The following TNIK variants were observed in gnomAD, a reference collection of about 807,000 sequenced individuals.
TNIK encodes the protein TRAF2 and NCK-interacting protein kinase.
In TNIK, 49 loss-of-function variants were observed where a neutral mutation model predicts 191.3. The observed-to-expected ratio is 0.26, with a 90% CI of 0.20 to 0.32. The LOEUF is 0.32. Ranked by LOEUF, TNIK falls within the 10% of genes least tolerant of loss-of-function variation. The pLI is 1.00. For synonymous variants in TNIK, 594 were observed against 600.9 expected, an observed-to-expected ratio of 0.99 and a Z score of 0.17; for missense variants, 1,155 against 1,702.3, an observed-to-expected ratio of 0.68 and a Z score of 5.66.
intron 7 of TNIK, among the ~76,000 whole-genome samples, chr3:171,183,202 C>G (rs750047370): frequency 4.4e-4 from 67 of 152,272 alleles, no homozygotes; most frequent in Non-Finnish European, 3.8e-4. Flanking sequence ...AACGTGTGTC[C>G]TCCTTCCTCC....
rs78768300 is a variant in TNIK, at chr3:171,359,347, T to C, written c.123+10273A>G. On this transcript the variant is annotated intron_variant, in intron 2 of 32. Transcript: ENST00000436636. ...TAAAGGAGACTGAGTTCTTCACATA[T>C]GGAGTTCCTAACTCTTCCCTGCTGT... is the stretch of plus-strand genomic sequence containing the variant. 3.4e-3 allele frequency among the ~76,000 whole-genome samples: 520 copies of C among 152,324 alleles called. 4 individuals are homozygous for C. Among genetic ancestry groups the C allele is most frequent in the African/African-American group, 0.012 (499 of 41,578 alleles).
At chr3:171,243,713 C>T (rs1440364297) in intron 2 of TNIK, among the ~76,000 whole-genome samples, 1 of 152,108 alleles carries the variant, frequency 6.6e-6, no homozygotes, top group Non-Finnish European at 1.5e-5. Context: ...GATTTTACTC[C>T]TAGAGGAAGG....
rs1386968384 is a variant in TNIK at position 171,215,854 on chromosome 3, A to C, written c.181-4613T>G. 2.0e-5 allele frequency among the ~76,000 whole-genome samples: 3 copies of C among 152,318 alleles called. No homozygotes were observed. The East Asian group carries it at 5.8e-4, about 29-fold the overall frequency. On this transcript the variant is annotated intron_variant, in intron 3 of 32. Transcript: ENST00000436636. ...ATATGCTCTGTAATAAAGTCTGCCC[A>C]ACATTTAACTCTCAATCCGTGGCAG...
chr3:171,135,865 G>A (rs146360192), intron 15 of TNIK, among the ~76,000 whole-genome samples: 1 of 152,304 alleles, frequency 6.6e-6, no homozygotes, highest in East Asian at 1.9e-4. Flanking sequence ...GTGCCTTGAT[G>A]ACATCTGCAA....
chr3:171,119,113 C>T (rs1275894022), intron 18 of TNIK, among the ~76,000 whole-genome samples: 2 of 152,130 alleles, frequency 1.3e-5, no homozygotes, highest in Non-Finnish European at 2.9e-5. Context: ...AAAACAACCC[C>T]ATCAACAAGT....
At chr3:171,112,570 C>T (rs116117484) in intron 18 of TNIK, among the ~76,000 whole-genome samples, 2,293 of 152,310 alleles carry the variant, frequency 0.015, 53 homozygotes, top group African/African-American at 0.052. Context: ...TACTATTGTA[C>T]ATGATCTCAC....
At chr3:171,417,184 T>C in intron 1 of TNIK, among the ~76,000 whole-genome samples, 1 of 152,196 alleles carries the variant, frequency 6.6e-6, no homozygotes, top group East Asian at 1.9e-4. Flanking sequence ...AAAACTACTC[T>C]TTGCATCTCA....
At chr3:171,385,751 G>A (rs1009663879) in intron 1 of TNIK, among the ~76,000 whole-genome samples, 1 of 152,230 alleles carries the variant, frequency 6.6e-6, no homozygotes, top group Admixed American at 6.5e-5. Context: ...TGTCAGAAAT[G>A]ATAAAACAAT....
At chr3:171,443,064 C>A (rs369187865) in intron 1 of TNIK, among the ~76,000 whole-genome samples, 1 of 152,132 alleles carries the variant, frequency 6.6e-6, no homozygotes, top group Non-Finnish European at 1.5e-5. Flanking sequence ...AGCACTACAG[C>A]GCTTTATTTG....
chr3:171,444,337 A>G (rs1727206460), intron 1 of TNIK, among the ~76,000 whole-genome samples: 1 of 152,158 alleles, frequency 6.6e-6, no homozygotes, highest in Non-Finnish European at 1.5e-5. Flanking sequence ...TATACATTCC[A>G]TTTCCCAGGT....
intron 1 of TNIK, among the ~76,000 whole-genome samples, chr3:171,458,919 C>G (rs1729076275): frequency 6.6e-6 from 1 of 152,190 alleles, no homozygotes; most frequent in Non-Finnish European, 1.5e-5. Flanking sequence ...GCCACCATCC[C>G]CACCCCTCAC....
intron 5 of TNIK, among the ~76,000 whole-genome samples, chr3:171,193,171 C>A (rs1002610743): frequency 6.6e-6 from 1 of 152,166 alleles, no homozygotes; most frequent in African/African-American, 2.4e-5. Context: ...TGGCCATTGT[C>A]TAATCTTGTA....
At position 171,110,774 on chromosome 3, in the gene TNIK, AGCTGGGCTGGGAGCTAGGGGT is replaced by A; in HGVS notation, c.2203_2223del (p.Thr735_Ser741del). On this transcript the variant is annotated inframe_deletion, in exon 19 of 33. Coordinates refer to ENST00000436636, the MANE Select transcript of TNIK (RefSeq NM_015028.4). ...GATCCAGGCTGGGAGCCTCCTTGGGAGCTGGGCTGGGAGCTAGGGGTGCTGGAGCTGGAGGAACTGCCACTG... is the reference window on the plus strand; with the variant it reads ...GATCCAGGCTGGGAGCCTCCTTGGGAGCTGGAGCTGGAGGAACTGCCACTG... 6.2e-7 allele frequency: 1 copy of A among 1,603,596 alleles called. No individual in the cohort carries two copies. The highest frequency in any genetic ancestry group is 8.5e-7 in the Non-Finnish European group (1 of 1,175,326).
intron 7 of TNIK, among the ~76,000 whole-genome samples, chr3:171,188,038 C>A (rs969909515): frequency 3.9e-5 from 6 of 152,176 alleles, no homozygotes; most frequent in Admixed American, 3.9e-4. Flanking sequence ...GGCAATAATG[C>A]AAAATTATGT....
chr3:171,267,350 G>GA, intron 2 of TNIK, among the ~76,000 whole-genome samples: 1 of 152,308 alleles, frequency 6.6e-6, no homozygotes, highest in East Asian at 1.9e-4. Flanking sequence ...GGTTCTGAGA[G>GA]AAAGTAAAGG....
intron 2 of TNIK, among the ~76,000 whole-genome samples, chr3:171,249,059 C>A (rs1745932675): frequency 6.6e-6 from 1 of 152,144 alleles, no homozygotes; most frequent in Non-Finnish European, 1.5e-5. Context: ...TGGTTATTAC[C>A]CATAGTGTAG....
intron 2 of TNIK, among the ~76,000 whole-genome samples, chr3:171,363,519 G>A (rs539406942): frequency 2.0e-5 from 3 of 152,124 alleles, no homozygotes; most frequent in South Asian, 2.1e-4. Context: ...AAAAACAAAC[G>A]CCACTATTAT....
At chr3:171,442,219 A>C (rs11915066) in intron 1 of TNIK, among the ~76,000 whole-genome samples, 1 of 152,016 alleles carries the variant, frequency 6.6e-6, no homozygotes, top group South Asian at 2.1e-4. Flanking sequence ...GGAAAGAAGG[A>C]CAGGGGATTA....
At position 171,175,430 on chromosome 3, in the gene TNIK, A is replaced by G. The variant is rs372640992; in HGVS notation, c.695-100T>C. 4.7e-4 allele frequency: 415 copies of G among 877,884 alleles called. 2 individuals carry two copies. The East Asian group carries it at 9.4e-3, about 20-fold the overall frequency. The allele number at this position is 877,884 out of a possible 1,614,324, so 54.4% of individuals were successfully genotyped here. ...ATAATGGCTGCCCAATGACCCACTC[A>G]GTTTACACACCACCAGTGAGCACAA... is the stretch of plus-strand genomic sequence containing the variant. On this transcript the variant is annotated intron_variant, in intron 8 of 32. Coordinates refer to ENST00000436636, the MANE Select transcript of TNIK (RefSeq NM_015028.4).
Sources: gnomAD v4.1 joint callset for allele counts (sites outside exome capture counted in the v4.1 genomes callset) on GRCh38, gnomAD v4.1.1 for gene constraint, MANE v1.5 for transcripts, NCBI Gene and HGNC (gene_info 2026-07-23, HGNC 2026-07-21) for gene names.